Variants in ATP13A5 observed in about 807,000 individuals in gnomAD.
ATP13A5 encodes the protein ATPase 13A5.
In ATP13A5, 149 loss-of-function variants were observed where a neutral mutation model predicts 150.2. The observed-to-expected ratio is 0.99, with a 90% CI of 0.87 to 1.14. ATP13A5 has a LOEUF of 1.14. Among genes scored for constraint, ATP13A5 ranks in the 50% most tolerant of loss-of-function variants. The pLI, the probability that ATP13A5 is intolerant of heterozygous loss-of-function variation, is 0.00. For synonymous variants in ATP13A5, 497 were observed against 522.2 expected, an observed-to-expected ratio of 0.95 and a Z score of 0.66; for missense variants, 1,383 against 1,449.3, an observed-to-expected ratio of 0.95 and a Z score of 0.74.
At chr3:193,363,147 G>T in intron 3 of ATP13A5, 89 bp downstream of exon 3, 1 of 1,420,102 alleles carries the variant, frequency 7.0e-7, no homozygotes, top group African/African-American at 1.4e-5. Context: ...CATTCCAAAA[G>T]TGTGATATTC....
chr3:193,366,993 G>A (rs187019614), intron 1 of ATP13A5, among the ~76,000 whole-genome samples: 2 of 152,034 alleles, frequency 1.3e-5, no homozygotes, highest in East Asian at 1.9e-4. Flanking sequence ...GAAATCATTC[G>A]AACTGAATGA....
chr3:193,305,237 GAA>G (rs1276537076), intron 23 of ATP13A5, among the ~76,000 whole-genome samples: 1 of 152,184 alleles, frequency 6.6e-6, no homozygotes, highest in East Asian at 1.9e-4. Context: ...ATTCCTGAGA[GAA>G]ATGTTACAGG....
chr3:193,362,750 C>T (rs992374775), intron 3 of ATP13A5, 113 bp from the exon 4 acceptor site: 42 of 633,108 alleles, frequency 6.6e-5, no homozygotes, highest in African/African-American at 6.1e-4. Flanking sequence ...ACTTGCTTTC[C>T]TTCTTTCTTT....
At chr3:193,314,762 C>T (rs1367592239) in intron 18 of ATP13A5, among the ~76,000 whole-genome samples, 2 of 152,132 alleles carry the variant, frequency 1.3e-5, no homozygotes, top group African/African-American at 4.8e-5. Context: ...AGTCATTAGA[C>T]AAAGAGGATG....
intron 21 of ATP13A5, among the ~76,000 whole-genome samples, chr3:193,309,249 A>G (rs1409849797): frequency 2.0e-5 from 3 of 152,210 alleles, no homozygotes; most frequent in Admixed American, 1.3e-4. Flanking sequence ...TAAAGGCAAA[A>G]TGCTATTTCA....
At chr3:193,365,614 A>G (rs1397821938) in intron 1 of ATP13A5, among the ~76,000 whole-genome samples, 7 of 152,138 alleles carry the variant, frequency 4.6e-5, no homozygotes, top group African/African-American at 1.7e-4. Context: ...TCATAAATAT[A>G]CATTCTTTTA....
intron 13 of ATP13A5, among the ~76,000 whole-genome samples, chr3:193,325,399 G>T (rs887049583): frequency 1.3e-5 from 2 of 152,168 alleles, no homozygotes; most frequent in African/African-American, 4.8e-5. Context: ...CTTTGAGTTG[G>T]ATATGAATTT....
At position 193,319,109 on chromosome 3, in the gene ATP13A5, C is replaced by T. The variant is rs1456083961; in HGVS notation, c.1916-1G>A. On this transcript the variant is annotated splice_acceptor_variant, in intron 16 of 29. Transcript: ENST00000342358. LOFTEE classifies it high-confidence loss of function. The stretch of plus-strand genomic sequence containing the variant: ...AGTTCCTGTGGGAAATTCTTGGGCA[C>T]TGCCAGGGTAGAAGAAACAGGTAAG... The T allele has an allele frequency of 1.2e-6, 2 of 1,611,640 alleles. No individual in the cohort carries two copies. Among genetic ancestry groups the T allele is most frequent in the Admixed American group, 1.7e-5 (1 of 59,954 alleles).
intron 27 of ATP13A5, chr3:193,281,227 AGAG>A (rs562743780): frequency 1.0e-6 from 1 of 985,170 alleles, no homozygotes; most frequent in Non-Finnish European, 1.2e-6. Flanking sequence ...GCTGGGAAGA[AGAG>A]GACGCCTGAA....
chr3:193,348,384 C>T (rs1712435159), intron 7 of ATP13A5, among the ~76,000 whole-genome samples: 1 of 152,174 alleles, frequency 6.6e-6, no homozygotes, highest in Non-Finnish European at 1.5e-5. Context: ...GCCTCTTGAG[C>T]TTGGCTCTGT....
intron 1 of ATP13A5, among the ~76,000 whole-genome samples, chr3:193,376,289 A>C (rs1466131355): frequency 6.6e-6 from 1 of 152,196 alleles, no homozygotes; most frequent in African/African-American, 2.4e-5. Flanking sequence ...CCAGTGTCTG[A>C]TGAGGACCCT....
chr3:193,373,968 A>G (rs1416725466), intron 1 of ATP13A5, among the ~76,000 whole-genome samples: 1 of 152,190 alleles, frequency 6.6e-6, no homozygotes, highest in Non-Finnish European at 1.5e-5. Context: ...GTCTGTGCAG[A>G]AGGGGAACAC....
At position 193,364,365 on chromosome 3, in the gene ATP13A5, T is replaced by C. The variant is rs780515803; in HGVS notation, c.64-85A>G. The C allele has an allele frequency of 3.7e-5, 56 of 1,498,072 alleles. No homozygotes were observed. In the East Asian group the frequency reaches 5.5e-4, roughly 15 times the overall value. 92.8% of individuals were successfully genotyped at this position (1,498,072 alleles called of 1,614,324 possible). On this transcript the variant is annotated intron_variant, in intron 1 of 29. Coordinates refer to ENST00000342358, the MANE Select transcript of ATP13A5 (RefSeq NM_198505.4). ...TTCTTTCAATAAACCAAACTTGAGA[T>C]GAAAGAATGTTGGCTGGGAGACAAA...
intron 7 of ATP13A5, among the ~76,000 whole-genome samples, chr3:193,350,641 T>C (rs1290674073): frequency 6.6e-6 from 1 of 152,056 alleles, no homozygotes; most frequent in Non-Finnish European, 1.5e-5. Flanking sequence ...TCAAAGACAA[T>C]TAAATAGGAA....
chr3:193,311,685 G>A, intron 20 of ATP13A5, 131 bp downstream of exon 20: 1 of 1,299,256 alleles, frequency 7.7e-7, no homozygotes, highest in Non-Finnish European at 1.0e-6. Context: ...TTCAGGAGCA[G>A]TACTCCTTTG....
intron 23 of ATP13A5, 107 bp downstream of exon 23, chr3:193,305,452 T>G (rs1718573929): frequency 2.2e-6 from 2 of 909,652 alleles, no homozygotes; most frequent in Admixed American, 1.8e-5. Context: ...ACTTCACCCA[T>G]TCCTCTGTTG....
intron 1 of ATP13A5, 44 bp downstream of exon 1, chr3:193,378,619 C>T: frequency 1.3e-6 from 2 of 1,532,006 alleles, no homozygotes; most frequent in Non-Finnish European, 9.0e-7. Context: ...TACTCACCGC[C>T]TTGGGCTCTT....
intron 12 of ATP13A5, among the ~76,000 whole-genome samples, chr3:193,327,330 G>A (rs1719501837): frequency 6.6e-6 from 1 of 152,184 alleles, no homozygotes; most frequent in Non-Finnish European, 1.5e-5. Context: ...TTTGGTTTGT[G>A]TATTGCTATG....
chr3:193,362,287 G>C, intron 5 of ATP13A5, 94 bp downstream of exon 5: 1 of 1,086,844 alleles, frequency 9.2e-7, no homozygotes, highest in Admixed American at 1.8e-5. Flanking sequence ...ACAAGCTGAT[G>C]AAGCATTATG....
Sources: allele counts gnomAD v4.1 joint callset (sites outside exome capture counted in the v4.1 genomes callset), GRCh38; gene constraint gnomAD v4.1.1; transcripts MANE v1.5; gene names NCBI Gene and HGNC (gene_info 2026-07-23, HGNC 2026-07-21).